The following ASF1A variants were observed in gnomAD, a reference collection of about 807,000 sequenced individuals.
The protein encoded by ASF1A is anti-silencing function 1A histone chaperone.
ASF1A carries 5 observed loss-of-function variants against 22.0 expected under a neutral mutation model. The ratio of observed to expected loss-of-function variants is 0.23; its 90% CI spans 0.12 to 0.48. The LOEUF (loss-of-function observed/expected upper bound fraction) is 0.48, where lower values mean the gene tolerates loss of function less well. Ranked by LOEUF, ASF1A falls within the 20% of genes least tolerant of loss-of-function variation. The probability of loss-of-function intolerance (pLI) is 0.99; values close to 1 mark genes in which losing one functional copy is unlikely to be tolerated. For missense variants in ASF1A, 137 were observed against 240.6 expected, an observed-to-expected ratio of 0.57 and a Z score of 2.85; for synonymous variants, 97 against 86.7, an observed-to-expected ratio of 1.12 and a Z score of -0.66.
At chr6:118,898,970 T>C (rs1166474637) in intron 1 of ASF1A, among the ~76,000 whole-genome samples, 2 of 152,152 alleles carry the variant, frequency 1.3e-5, no homozygotes, top group African/African-American at 4.8e-5. Flanking sequence ...GTATCTCTGC[T>C]TAGAAGCAGA....
chr6:118,898,539 C>G (rs551744948), intron 1 of ASF1A, among the ~76,000 whole-genome samples: 20 of 151,926 alleles, frequency 1.3e-4, no homozygotes, highest in African/African-American at 4.6e-4. Flanking sequence ...ATTCTTGTGC[C>G]TCAGCCTCCC....
At chr6:118,904,789 T>C (rs1780058499) in intron 2 of ASF1A, among the ~76,000 whole-genome samples, 1 of 152,250 alleles carries the variant, frequency 6.6e-6, no homozygotes, top group Non-Finnish European at 1.5e-5. Context: ...TAGAGGATTA[T>C]TAATATTTTT....
Position 118,907,596 on chromosome 6 carries a change from C to T in ASF1A, c.597C>T (p.Ser199=), listed in dbSNP as rs768988715. Reference sequence around the variant, plus strand: ...ACTCACTAAATGTCATGTTAGAATCCCACATGGACTGCATGTGACCACCTA... The same window carrying T: ...ACTCACTAAATGTCATGTTAGAATCTCACATGGACTGCATGTGACCACCTA... The part of the protein sequence containing the change: ...SENSLNVMLE[S]HMDCM Residue 199 remains serine (S), a synonymous_variant, in exon 4 of 4, where the codon TCC becomes TCT. Transcript: ENST00000229595. 5 of 1,613,134 alleles carry T rather than the reference C, an allele frequency of 3.1e-6. No individual in the cohort carries two copies. The African/African-American group carries it at 6.7e-5, about 22-fold the overall frequency.
At position 118,907,787 on chromosome 6, in the gene ASF1A, C is replaced by T. The variant is rs1250429448; in HGVS notation, c.*173C>T. The T allele has an allele frequency of 7.4e-6, 4 of 543,908 alleles. No homozygotes were observed. The African/African-American group carries it at 7.6e-5, about 10-fold the overall frequency. 33.7% of individuals were successfully genotyped at this position (543,908 alleles called of 1,614,324 possible). ...AACAAATTGTGGAATATAAATACAA[C>T]TATTTTTAAGTAATTTTTTTCTCTA... On this transcript the variant is annotated 3_prime_UTR_variant, in exon 4 of 4. Coordinates refer to ENST00000229595, the MANE Select transcript of ASF1A (RefSeq NM_014034.3).
chr6:118,897,054 G>T (rs890848552), intron 1 of ASF1A, among the ~76,000 whole-genome samples: 2 of 152,030 alleles, frequency 1.3e-5, no homozygotes, highest in Admixed American at 6.6e-5. Flanking sequence ...GCCCAAGCTG[G>T]TCTCGAACCC....
At chr6:118,900,720 A>C in intron 1 of ASF1A, 46 bp from the exon 2 acceptor site, 2 of 1,289,454 alleles carry the variant, frequency 1.6e-6, no homozygotes, top group Non-Finnish European at 2.3e-6. Flanking sequence ...TCATCTGGTA[A>C]TGTAATTACT....
At chr6:118,898,430 T>C (rs1402886571) in intron 1 of ASF1A, among the ~76,000 whole-genome samples, 1 of 151,656 alleles carries the variant, frequency 6.6e-6, no homozygotes, top group East Asian at 1.9e-4. Flanking sequence ...TAATAATTTT[T>C]TTTTTTTTTT....
chr6:118,905,966 T>C lies in ASF1A; in HGVS notation c.402+138T>C, dbSNP rs1330642522. The stretch of plus-strand genomic sequence containing the variant: ...AGGTCCTTATGCCAACTGGGCAAAC[T>C]AATTATTGTTCCATTACCATGGATG... On this transcript the variant is annotated intron_variant, in intron 3 of 3. Coordinates refer to ENST00000229595, the MANE Select transcript of ASF1A (RefSeq NM_014034.3). 11 of 592,538 alleles carry C rather than the reference T, an allele frequency of 1.9e-5. No homozygotes were observed. The East Asian group carries it at 3.3e-4, about 18-fold the overall frequency. 36.7% of individuals were successfully genotyped at this position (592,538 alleles called of 1,614,324 possible).
intron 2 of ASF1A, among the ~76,000 whole-genome samples, chr6:118,901,822 A>G (rs1779813928): frequency 6.6e-6 from 1 of 152,226 alleles, no homozygotes; most frequent in African/African-American, 2.4e-5. Context: ...ATCCAGAAAG[A>G]AAATCTAACT....
In ASF1A at chr6:118,907,898, T is replaced by C. The variant is rs964578794; in HGVS notation, c.*284T>C. On this transcript the variant is annotated 3_prime_UTR_variant, in exon 4 of 4. Transcript: ENST00000229595. ...CCTTTATATGTAATGAAAGCACTTA[T>C]AAAGAAACAGGAATCATTAGACCAG... 2.0e-5 allele frequency: 5 copies of C among 250,228 alleles called. No individual in the cohort carries two copies. The highest frequency in any genetic ancestry group is 1.7e-4 in the East Asian group (2 of 11,986). 15.5% of individuals were successfully genotyped at this position (250,228 alleles called of 1,614,324 possible). A position where few individuals can be genotyped will look rare whatever the true frequency, so the allele number is the denominator to read the frequency against.
At chr6:118,903,000 G>T (rs1779907669) in intron 2 of ASF1A, among the ~76,000 whole-genome samples, 1 of 152,124 alleles carries the variant, frequency 6.6e-6, no homozygotes, top group Admixed American at 6.5e-5. Flanking sequence ...CATTACTTCT[G>T]CATCCTAAAT....
chr6:118,897,094 C>T (rs750949420), intron 1 of ASF1A, among the ~76,000 whole-genome samples: 2 of 152,154 alleles, frequency 1.3e-5, no homozygotes, highest in Non-Finnish European at 2.9e-5. Flanking sequence ...CCACCCCTGC[C>T]TCCCATAGTG....
At chr6:118,898,406 T>C (rs1216118280) in intron 1 of ASF1A, among the ~76,000 whole-genome samples, 1 of 151,816 alleles carries the variant, frequency 6.6e-6, no homozygotes, top group African/African-American at 2.4e-5. Context: ...TTAAAATTCA[T>C]GAAAACCTTT....
At chr6:118,902,793 A>T (rs1200000100) in intron 2 of ASF1A, among the ~76,000 whole-genome samples, 1 of 152,234 alleles carries the variant, frequency 6.6e-6, no homozygotes, top group Non-Finnish European at 1.5e-5. Context: ...AGAATTCACC[A>T]TTATCAACAG....
Position 118,907,630 on chromosome 6 carries a change from T to A in ASF1A, c.*16T>A. 6.3e-7 allele frequency: 1 copy of A among 1,585,956 alleles called. No homozygotes were observed. The highest frequency in any genetic ancestry group is 2.2e-5 in the East Asian group (1 of 44,626). On this transcript the variant is annotated 3_prime_UTR_variant, in exon 4 of 4. Transcript: ENST00000229595. ...CTGCATGTGACCACCTACCATCCCT[T>A]TAGTACAAATTAAGCTATTAAAAAT...
chr6:118,903,039 T>G (rs550331695), intron 2 of ASF1A, among the ~76,000 whole-genome samples: 4 of 152,352 alleles, frequency 2.6e-5, no homozygotes, highest in African/African-American at 9.6e-5. Context: ...GCTTCTCTAC[T>G]TAAATTTGCT....
At chr6:118,898,487 C>T (rs1056307341) in intron 1 of ASF1A, among the ~76,000 whole-genome samples, 11 of 149,760 alleles carry the variant, frequency 7.3e-5, no homozygotes, top group Admixed American at 3.3e-4. Context: ...TGCAGTGGCG[C>T]GATCTCGGCT....
At chr6:118,900,464 G>T (rs943294826) in intron 1 of ASF1A, among the ~76,000 whole-genome samples, 1 of 152,190 alleles carries the variant, frequency 6.6e-6, no homozygotes, top group Non-Finnish European at 1.5e-5. Context: ...TACTGTGCCA[G>T]CATGCTTTAT....
intron 2 of ASF1A, among the ~76,000 whole-genome samples, chr6:118,904,201 T>C (rs538199252): frequency 6.6e-6 from 1 of 152,254 alleles, no homozygotes; most frequent in South Asian, 2.1e-4. Context: ...GGAGATGACA[T>C]GAATTCAGCC....
Sources: allele counts gnomAD v4.1 joint callset (sites outside exome capture counted in the v4.1 genomes callset), GRCh38; gene constraint gnomAD v4.1.1; transcripts MANE v1.5; gene names NCBI Gene and HGNC (gene_info 2026-07-23, HGNC 2026-07-21).